KCND2: variants seen among roughly 807,000 people sequenced by gnomAD.
KCND2 encodes the protein potassium voltage-gated channel subfamily D member 2.
Under a neutral mutation model 54.4 loss-of-function variants are expected in KCND2, and 16 were observed. That is an observed-to-expected ratio of 0.29 (90% CI 0.20 to 0.45). KCND2 has a LOEUF of 0.45. Ranked by LOEUF, KCND2 falls within the 20% of genes least tolerant of loss-of-function variation. The pLI is 1.00. For synonymous variants in KCND2, 317 were observed against 310.7 expected (o/e 1.02, Z -0.21); for missense variants, 486 against 824.2 (o/e 0.59, Z 5.02).
chr7:120,590,976 G>T (rs932763259), intron 1 of KCND2, among the ~76,000 whole-genome samples: 1 of 152,100 alleles, frequency 6.6e-6, no homozygotes, highest in East Asian at 1.9e-4. Context: ...TTCTTGGGCT[G>T]CTAGAAAATC....
Position 120,461,160 on chromosome 7 carries a change from C to T in KCND2, c.1115+185413C>T, listed in dbSNP as rs17787574. On this transcript the variant is annotated intron_variant, in intron 1 of 5. Coordinates refer to ENST00000331113, the MANE Select transcript of KCND2 (RefSeq NM_012281.3). ...TGTGTTGACATTAGTACCTTTGCCC[C>T]GAGCACCCAGCTTAAAGAGGTTTCT... Among the ~76,000 whole-genome samples, 571 of 152,164 alleles carry T rather than the reference C, an allele frequency of 3.8e-3. 1 individual carries two copies. Among genetic ancestry groups the T allele is most frequent in the Non-Finnish European group, 5.7e-3 (390 of 68,000 alleles).
chr7:120,353,133 CTTTTTTTT>C (rs72353278), intron 1 of KCND2, among the ~76,000 whole-genome samples: 1,679 of 91,848 alleles, frequency 0.018, 47 homozygotes, highest in Middle Eastern at 0.095. Context: ...AATACTTTTA[CTTTTTTTT>C]TTTTTTTTTT....
chr7:120,703,429 A>G (rs977380682), intron 1 of KCND2, among the ~76,000 whole-genome samples: 25 of 152,318 alleles, frequency 1.6e-4, no homozygotes, highest in Middle Eastern at 3.4e-3. Context: ...GAGAATAATT[A>G]TCTAGATATT....
intron 1 of KCND2, among the ~76,000 whole-genome samples, chr7:120,616,053 A>G (rs1241250104): frequency 6.6e-6 from 1 of 152,202 alleles, no homozygotes; most frequent in Admixed American, 6.5e-5. Context: ...AGTGTATAAC[A>G]CAGTGCAGGT....
intron 1 of KCND2, among the ~76,000 whole-genome samples, chr7:120,478,699 C>G (rs918064114): frequency 5.9e-5 from 9 of 152,006 alleles, no homozygotes; most frequent in Non-Finnish European, 1.0e-4. Flanking sequence ...GTAAAAAGCC[C>G]TACTAACAAT....
chr7:120,642,570 A>T (rs1012589607), intron 1 of KCND2, among the ~76,000 whole-genome samples: 3 of 66,018 alleles, frequency 4.5e-5, no homozygotes, highest in African/African-American at 2.0e-4. Context: ...AATAAAAAAT[A>T]AAAAAAAATA....
chr7:120,383,160 C>T (rs1274433538), intron 1 of KCND2, among the ~76,000 whole-genome samples: 2 of 151,966 alleles, frequency 1.3e-5, no homozygotes, highest in East Asian at 1.9e-4. Flanking sequence ...TACCACTCCT[C>T]ATTCAATAAT....
At chr7:120,576,920 G>A (rs1054719531) in intron 1 of KCND2, among the ~76,000 whole-genome samples, 3 of 152,282 alleles carry the variant, frequency 2.0e-5, no homozygotes, top group Middle Eastern at 3.4e-3. Context: ...GCCAAGGCGG[G>A]CTGATTGCCT....
At chr7:120,693,853 G>A (rs1231634984) in intron 1 of KCND2, among the ~76,000 whole-genome samples, 1 of 152,140 alleles carries the variant, frequency 6.6e-6, no homozygotes. Flanking sequence ...TAGCAACATG[G>A]CAGAGAAAGG....
chr7:120,592,723 T>C (rs991698117), intron 1 of KCND2, among the ~76,000 whole-genome samples: 1 of 152,178 alleles, frequency 6.6e-6, no homozygotes, highest in Non-Finnish European at 1.5e-5. Context: ...TGTGACCTGG[T>C]TGGAAACAAG....
chr7:120,682,813 C>A lies in KCND2; in HGVS notation c.1116-50090C>A, dbSNP rs189604721. Among the ~76,000 whole-genome samples, 31 of 152,260 alleles carry A rather than the reference C, an allele frequency of 2.0e-4. No individual in the cohort carries two copies. In the East Asian group the frequency reaches 5.8e-3, roughly 28 times the overall value. On this transcript the variant is annotated intron_variant, in intron 1 of 5. Transcript: ENST00000331113. Reference sequence around the variant, plus strand: ...TCTTAACAAGAACTCTGAAGTTAGGCAGTTTCATGGTTGATTCAGCAACTT... The same window carrying A: ...TCTTAACAAGAACTCTGAAGTTAGGAAGTTTCATGGTTGATTCAGCAACTT...
At chr7:120,626,644 A>G (rs1793167598) in intron 1 of KCND2, among the ~76,000 whole-genome samples, 1 of 152,210 alleles carries the variant, frequency 6.6e-6, no homozygotes, top group Non-Finnish European at 1.5e-5. Flanking sequence ...AATTAATTTC[A>G]AAATAAATGT....
intron 1 of KCND2, among the ~76,000 whole-genome samples, chr7:120,636,633 T>G (rs1046080298): frequency 6.6e-6 from 1 of 152,112 alleles, no homozygotes; most frequent in Admixed American, 6.6e-5. Context: ...ATGAAGAGAT[T>G]GGGTTCCCAC....
chr7:120,435,636 A>G (rs1801854604), intron 1 of KCND2, among the ~76,000 whole-genome samples: 1 of 152,126 alleles, frequency 6.6e-6, no homozygotes, highest in African/African-American at 2.4e-5. Context: ...AGAATCAATC[A>G]AGACTTAGAT....
At chr7:120,518,843 T>G (rs1277728960) in intron 1 of KCND2, among the ~76,000 whole-genome samples, 1 of 152,120 alleles carries the variant, frequency 6.6e-6, no homozygotes, top group Non-Finnish European at 1.5e-5. Context: ...TGAAAAAGAT[T>G]AGGGAGCTTA....
At chr7:120,453,483 G>T (rs1359383749) in intron 1 of KCND2, among the ~76,000 whole-genome samples, 1 of 152,172 alleles carries the variant, frequency 6.6e-6, no homozygotes, top group African/African-American at 2.4e-5. Context: ...ATCCTGCACT[G>T]CCACTGCCAC....
intron 1 of KCND2, among the ~76,000 whole-genome samples, chr7:120,539,018 A>T (rs1370884673): frequency 1.3e-5 from 2 of 152,208 alleles, no homozygotes; most frequent in Non-Finnish European, 2.9e-5. Flanking sequence ...TGTAAAGTAA[A>T]TCACAAGAAA....
At chr7:120,351,412 A>AT (rs1800403414) in intron 1 of KCND2, among the ~76,000 whole-genome samples, 1 of 99,786 alleles carries the variant, frequency 1.0e-5, no homozygotes. Flanking sequence ...ACACACACAC[A>AT]CTCTCTCTCT....
intron 1 of KCND2, among the ~76,000 whole-genome samples, chr7:120,317,931 C>T (rs1170268865): frequency 6.6e-6 from 1 of 152,086 alleles, no homozygotes; most frequent in Non-Finnish European, 1.5e-5. Flanking sequence ...CTGCAGTCAG[C>T]CTAGATAGAT....
Sources: gnomAD v4.1 joint callset for allele counts (sites outside exome capture counted in the v4.1 genomes callset) on GRCh38, gnomAD v4.1.1 for gene constraint, MANE v1.5 for transcripts, NCBI Gene and HGNC (gene_info 2026-07-23, HGNC 2026-07-21) for gene names.